Variants in DGCR2 observed in about 807,000 individuals in gnomAD.
The protein encoded by DGCR2 is DiGeorge syndrome critical region gene 2.
A neutral mutation model predicts 51.6 loss-of-function variants in DGCR2; 24 were observed. That is an observed-to-expected ratio of 0.47 (90% CI 0.34 to 0.65). The LOEUF is 0.65. Ranked by LOEUF, DGCR2 falls within the 30% of genes least tolerant of loss-of-function variation. The pLI is 0.01. For missense variants in DGCR2, 765 were observed against 772.1 expected, an observed-to-expected ratio of 0.99 and a Z score of 0.11; for synonymous variants, 340 against 315.4, an observed-to-expected ratio of 1.08 and a Z score of -0.82.
At chr22:19,107,180 G>A (rs769857079) in intron 1 of DGCR2, among the ~76,000 whole-genome samples, 1 of 152,164 alleles carries the variant, frequency 6.6e-6, no homozygotes, top group African/African-American at 2.4e-5. Context: ...GGGGCAAGTG[G>A]AATCTCTGAG....
At chr22:19,041,733 GGGA>G (rs2146302249) in intron 8 of DGCR2, 71 bp downstream of exon 8, 1 of 1,517,236 alleles carries the variant, frequency 6.6e-7, no homozygotes, top group Non-Finnish European at 9.0e-7. Flanking sequence ...TCCAGGGCTG[GGGA>G]GCTCATGGAG....
At chr22:19,106,286 C>T (rs187313094) in intron 1 of DGCR2, among the ~76,000 whole-genome samples, 197 of 152,320 alleles carry the variant, frequency 1.3e-3, no homozygotes, top group African/African-American at 4.5e-3. Flanking sequence ...ATATGCCACC[C>T]TTAGGAACAA....
At chr22:19,090,364 C>T (rs2146014861) in intron 1 of DGCR2, among the ~76,000 whole-genome samples, 1 of 152,272 alleles carries the variant, frequency 6.6e-6, no homozygotes, top group East Asian at 1.9e-4. Context: ...ACAAACAATA[C>T]AATTCCAAGT....
intron 2 of DGCR2, among the ~76,000 whole-genome samples, chr22:19,073,716 A>T (rs2082841845): frequency 6.6e-6 from 1 of 152,258 alleles, no homozygotes; most frequent in Admixed American, 6.5e-5. Context: ...AAACCAGCCA[A>T]ACTTATGTGC....
At chr22:19,063,353 G>A (rs2082708862) in intron 4 of DGCR2, 75 bp from the exon 5 acceptor site, 7 of 1,449,412 alleles carry the variant, frequency 4.8e-6, no homozygotes, top group Non-Finnish European at 5.7e-6. Context: ...TGTGTTTTTT[G>A]TTTTTTGAGA....
At chr22:19,070,388 T>G (rs1333833060) in intron 2 of DGCR2, among the ~76,000 whole-genome samples, 2 of 152,164 alleles carry the variant, frequency 1.3e-5, no homozygotes, top group Non-Finnish European at 2.9e-5. Flanking sequence ...CTGGAGAATG[T>G]CACTGAACTT....
In DGCR2 at chr22:19,122,359, T is replaced by A. The variant is rs1490386533; in HGVS notation, c.-153A>T. ...AAAGAGCTTCGGCTGGGCCGCGGGC[T>A]GGCGCACACTCTCGGCTGCAACCTC... On this transcript the variant is annotated 5_prime_UTR_variant, in exon 1 of 10. Transcript: ENST00000263196. 1 of 538,252 alleles carries A rather than the reference T, an allele frequency of 1.9e-6. No individual in the cohort carries two copies. 33.3% of individuals were successfully genotyped at this position (538,252 alleles called of 1,614,324 possible).
intron 5 of DGCR2, among the ~76,000 whole-genome samples, chr22:19,059,617 C>T (rs1439014682): frequency 6.6e-6 from 1 of 152,084 alleles, no homozygotes; most frequent in Admixed American, 6.5e-5. Flanking sequence ...TCACCCCCTG[C>T]CACCCCAGCA....
At chr22:19,062,869 G>C (rs934826652) in intron 5 of DGCR2, among the ~76,000 whole-genome samples, 15 of 150,892 alleles carry the variant, frequency 9.9e-5, no homozygotes, top group Non-Finnish European at 2.1e-4. Context: ...TGGCAAGCTT[G>C]TCCTCCCCTC....
intron 5 of DGCR2, among the ~76,000 whole-genome samples, chr22:19,062,810 C>A (rs2082694178): frequency 6.8e-6 from 1 of 147,692 alleles, no homozygotes; most frequent in Non-Finnish European, 1.5e-5. Flanking sequence ...CTCTCTCTAT[C>A]TGCCTGATAG....
chr22:19,053,727 T>C (rs1046300027), intron 6 of DGCR2, among the ~76,000 whole-genome samples: 1 of 152,066 alleles, frequency 6.6e-6, no homozygotes, highest in Non-Finnish European at 1.5e-5. Flanking sequence ...GACTCAAATA[T>C]GACACAGATG....
rs1293710863 is a variant in DGCR2, at chr22:19,100,189, G to A, written c.80-10699C>T. ...GAAGGCTGAGACACAAGAATCGCTTGAACCGGGGAGGCGAGGTTGCAGTGA... is the reference window on the plus strand; with the variant it reads ...GAAGGCTGAGACACAAGAATCGCTTAAACCGGGGAGGCGAGGTTGCAGTGA... On this transcript the variant is annotated intron_variant, in intron 1 of 9. Transcript: ENST00000263196. Among the ~76,000 whole-genome samples the A allele has an allele frequency of 1.3e-5, 2 of 150,372 alleles. 1 individual carries two copies. Among genetic ancestry groups the A allele is most frequent in the Non-Finnish European group, 3.0e-5 (2 of 67,678 alleles).
Position 19,037,473 on chromosome 22 carries a change from A to G in DGCR2, c.*1392T>C, listed in dbSNP as rs576043651. 3.1e-4 allele frequency: 48 copies of G among 152,406 alleles called. No homozygotes were observed. The highest frequency in any genetic ancestry group is 1.1e-3 in the African/African-American group (46 of 41,552). The allele number at this position is 152,406 out of a possible 1,614,324, so 9.4% of individuals were successfully genotyped here. ...CCCAGGTGCTGCCCCGCTGGTCTGG[A>G]AAGACTGAGCGAGACAGCACTGCCT... On this transcript the variant is annotated 3_prime_UTR_variant, in exon 10 of 10. Transcript: ENST00000263196.
At chr22:19,105,237 T>C (rs888577813) in intron 1 of DGCR2, among the ~76,000 whole-genome samples, 5 of 152,038 alleles carry the variant, frequency 3.3e-5, no homozygotes, top group Non-Finnish European at 5.9e-5. Context: ...GTGGGGAGAA[T>C]TGCTTGAACC....
chr22:19,063,292 A>G lies in DGCR2; in HGVS notation c.549-14T>C. ...CCAACCCACAACCTGCAGGGCACAG[A>G]GACAGAGACAGAGATCTCAGCGGCA... On this transcript the variant is annotated splice_polypyrimidine_tract_variant and intron_variant, in intron 4 of 9. Coordinates refer to ENST00000263196, the MANE Select transcript of DGCR2 (RefSeq NM_005137.3). The G allele has an allele frequency of 1.2e-6, 2 of 1,609,572 alleles. No individual in the cohort carries two copies. The highest frequency in any genetic ancestry group is 8.5e-7 in the Non-Finnish European group (1 of 1,176,192).
intron 6 of DGCR2, among the ~76,000 whole-genome samples, chr22:19,051,324 T>C (rs910293573): frequency 1.3e-5 from 2 of 152,034 alleles, no homozygotes; most frequent in African/African-American, 2.4e-5. Context: ...CTTTTGTTCC[T>C]GAAAGCTCAC....
chr22:19,054,112 G>A (rs1254788991), intron 6 of DGCR2, among the ~76,000 whole-genome samples: 1 of 152,188 alleles, frequency 6.6e-6, no homozygotes, highest in Non-Finnish European at 1.5e-5. Context: ...TGATAAAACT[G>A]GAATAATGGA....
intron 5 of DGCR2, among the ~76,000 whole-genome samples, chr22:19,062,953 A>G (rs1424155055): frequency 2.6e-5 from 4 of 151,902 alleles, no homozygotes; most frequent in African/African-American, 7.2e-5. Flanking sequence ...GAGGCGGGGG[A>G]CAATCTAGAA....
intron 5 of DGCR2, among the ~76,000 whole-genome samples, chr22:19,062,779 A>ATTCTCTCATTCTCTCTCTCTCCT: frequency 7.9e-6 from 1 of 127,354 alleles, no homozygotes; most frequent in Admixed American, 7.8e-5. Context: ...ATGCATGCTC[A>ATTCTCTCATTCTCTCTCTCTCCT]CTCTCTCTCT....
Sources: allele counts gnomAD v4.1 joint callset (sites outside exome capture counted in the v4.1 genomes callset), GRCh38; gene constraint gnomAD v4.1.1; transcripts MANE v1.5; gene names NCBI Gene and HGNC (gene_info 2026-07-23, HGNC 2026-07-21).